Variants in AGRN observed in about 807,000 individuals in gnomAD.
AGRN encodes the protein agrin.
Under a neutral mutation model 211.0 loss-of-function variants are expected in AGRN, and 106 were observed. The ratio of observed to expected loss-of-function variants is 0.50; its 90% confidence interval spans 0.43 to 0.59. The LOEUF (loss-of-function observed/expected upper bound fraction) is 0.59, where lower values mean the gene tolerates loss of function less well. Among genes scored for constraint, AGRN ranks in the 20% least tolerant of loss-of-function variants. The pLI is 0.00. For missense variants in AGRN, 3,040 were observed against 2,982.6 expected (o/e 1.02, Z -0.45); for synonymous variants, 1,525 against 1,332.5 (o/e 1.14, Z -3.15).
At chr1:1,052,688 A>C (rs940303055) in intron 33 of AGRN, 1 of 153,014 alleles carries the variant, frequency 6.5e-6, no homozygotes, top group Admixed American at 6.3e-5. Context: ...TAGTGTGTAC[A>C]CATGGGTCCA....
rs1557689967 is a variant in AGRN at position 1,031,039 on chromosome 1, AGT to A, written c.464-4235_464-4234del. Among the ~76,000 whole-genome samples the A allele has an allele frequency of 2.0e-5, 2 of 97,670 alleles. No homozygotes were observed. The highest frequency in any genetic ancestry group is 3.9e-5 in the Non-Finnish European group (2 of 51,548). The allele number at this position is 97,670 out of a possible 152,430, so 64.1% of individuals were successfully genotyped here. Reference sequence around the variant, plus strand: ...TGTGTGTGCAGTGCATGGTGCTGTGAGTGTATCAGCATGTGTGTGTGTGCAGT... The same window carrying A: ...TGTGTGTGCAGTGCATGGTGCTGTGAGTATCAGCATGTGTGTGTGTGCAGT... On this transcript the variant is annotated intron_variant, in intron 2 of 35. Coordinates refer to ENST00000379370, the MANE Select transcript of AGRN (RefSeq NM_198576.4). The surrounding 1 kb of genome is among the most constrained non-coding windows in gnomAD (Gnocchi z 4.8).
At chr1:1,033,878 G>C (rs1400634772) in intron 2 of AGRN, among the ~76,000 whole-genome samples, 2 of 149,292 alleles carry the variant, frequency 1.3e-5, no homozygotes, top group Non-Finnish European at 3.0e-5. Context: ...TTTGTGCGGC[G>C]CTCTCCCGTC....
intron 14 of AGRN, 29 bp downstream of exon 14, chr1:1,045,552 C>T (rs765318558): frequency 1.3e-5 from 21 of 1,610,544 alleles, no homozygotes; most frequent in South Asian, 5.5e-5. Context: ...GACTGGCCAC[C>T]GGCTATGCCC....
In AGRN at chr1:1,037,899, G is replaced by A. The variant is rs1644838393; in HGVS notation, c.511+2575G>A. Among the ~76,000 whole-genome samples, 4 of 152,280 alleles carry A rather than the reference G, an allele frequency of 2.6e-5. No homozygotes were observed. In the East Asian group the frequency reaches 5.8e-4, roughly 22 times the overall value. On this transcript the variant is annotated intron_variant, in intron 3 of 35. Transcript: ENST00000379370. ...GTACGTGCGTGTGTGCCATCACCAC[G>A]TGCACCTGTCTTCAGGTGATCTCGT...
At chr1:1,050,402 A>T in intron 28 of AGRN, 25 bp from the exon 29 acceptor site, 1 of 1,612,632 alleles carries the variant, frequency 6.2e-7, no homozygotes. Context: ...GACAGCAAAG[A>T]CACCCCGACT....
Position 1,048,925 on chromosome 1 carries a change from C to T in AGRN, c.4164C>T (p.Leu1388=), listed in dbSNP as rs1387848337. The change falls in exon 24 of 36, where the codon CTC becomes CTT. Residue 1388 remains leucine (L), a synonymous_variant. Transcript: ENST00000379370. The surrounding 1 kb of genome is among the most constrained non-coding windows in gnomAD (Gnocchi z 5.9). The part of the protein sequence containing the change: ...EGRSFLAFPT[L]RAYHTLRLAL... ...GCTCCTTCCTGGCCTTCCCCACTCT[C>T]CGCGCCTACCACACGCTGCGCCTGG... 6.4e-7 allele frequency: 1 copy of T among 1,560,412 alleles called. No homozygotes were observed. The highest frequency in any genetic ancestry group is 1.2e-5 in the South Asian group (1 of 84,816).
chr1:1,029,572 G>A (rs1205740365), intron 2 of AGRN, among the ~76,000 whole-genome samples: 2 of 152,164 alleles, frequency 1.3e-5, no homozygotes, highest in East Asian at 3.8e-4. Context: ...GGCAGGCCAG[G>A]AATACCCATT....
chr1:1,043,252 C>A lies in AGRN; in HGVS notation c.1398C>A (p.Ser466=). The A allele has an allele frequency of 6.2e-7, 1 of 1,607,526 alleles. No homozygotes were observed. The highest frequency in any genetic ancestry group is 8.5e-7 in the Non-Finnish European group (1 of 1,178,136). The change falls in exon 8 of 36, where the codon TCC becomes TCA. Residue 466 remains serine, a synonymous_variant. Coordinates refer to ENST00000379370, the MANE Select transcript of AGRN (RefSeq NM_198576.4). ...KHQGPCDQAP[S]PCLGVQCAFG... The stretch of plus-strand genomic sequence containing the variant: ...TGTCCTTCCCAGACCAGGCCCCGTC[C>A]CCATGCCTCGGGGTGCAGTGTGCAT...
Position 1,020,364 on chromosome 1 carries a change from C to G in AGRN, c.192C>G (p.Tyr64Ter). 2.0e-6 allele frequency: 3 copies of G among 1,498,474 alleles called. No individual in the cohort carries two copies. Among genetic ancestry groups the G allele is most frequent in the Non-Finnish European group, 2.7e-6 (3 of 1,122,690 alleles). 92.8% of individuals were successfully genotyped at this position (1,498,474 alleles called of 1,614,324 possible). The part of the protein sequence containing the change: ...ILNVDPVQHT[Y>*]SCKVRVWRYL... ...ACGTGGACCCGGTGCAGCACACGTA[C>G]TCCTGCAAGGTGCGCCCACCCGGAC... Residue 64 changes from tyrosine (Y) to a stop codon, truncating the protein, a stop_gained, in exon 1 of 36, where the codon TAC becomes TAG. Transcript: ENST00000379370. LOFTEE classifies it high-confidence loss of function.
chr1:1,050,967 C>A, intron 30 of AGRN, 130 bp downstream of exon 30: 1 of 1,549,976 alleles, frequency 6.5e-7, no homozygotes. Flanking sequence ...GCCCTGTCCT[C>A]TGCCTCCTCT....
chr1:1,020,993 C>A (rs1308541278), intron 1 of AGRN, among the ~76,000 whole-genome samples: 2 of 152,114 alleles, frequency 1.3e-5, no homozygotes, highest in Non-Finnish European at 2.9e-5. Flanking sequence ...GTTTCTCCTT[C>A]AGGTGCTTCT....
chr1:1,035,706 C>T (rs1644788105), intron 3 of AGRN, among the ~76,000 whole-genome samples: 1 of 152,162 alleles, frequency 6.6e-6, no homozygotes, highest in Admixed American at 6.5e-5. Flanking sequence ...TGGGGCTGGA[C>T]AGAGGCTGGA....
At chr1:1,035,075 G>C in intron 2 of AGRN, 1 of 662,692 alleles carries the variant, frequency 1.5e-6, no homozygotes, top group Non-Finnish European at 2.7e-6. Context: ...TGGCTGGAGG[G>C]GCAGAGAAAA....
rs1238124678 is a variant in AGRN, at chr1:1,046,876, G to A, written c.3307G>A (p.Ala1103Thr). 10 of 1,587,194 alleles carry A rather than the reference G, an allele frequency of 6.3e-6. No individual in the cohort carries two copies. Among genetic ancestry groups the A allele is most frequent in the Non-Finnish European group, 8.6e-6 (10 of 1,168,516 alleles). Residue 1103 changes from alanine (A) to threonine (T), a missense_variant, in exon 19 of 36, where the codon GCT (alanine) becomes ACT (threonine). Coordinates refer to ENST00000379370, the MANE Select transcript of AGRN (RefSeq NM_198576.4). Reference protein sequence around the residue: ...VATPGPPVERASCYNSALGCC... With the variant: ...VATPGPPVERTSCYNSALGCC... ...CACCCCTGGGCCACCTGTCGAGAGG[G>A]CTTCCTGCTACAACTCCGCGTTGGG...
intron 35 of AGRN, 107 bp from the exon 36 acceptor site, chr1:1,054,717 G>A (rs566916524): frequency 1.2e-4 from 180 of 1,500,824 alleles, no homozygotes; most frequent in East Asian, 5.7e-4. Flanking sequence ...CTGTGGGGCC[G>A]GGAGGCGGGT....
chr1:1,049,240 GAC>G lies in AGRN; in HGVS notation c.4307_4308del (p.Thr1436ArgfsTer37). On this transcript the variant is annotated frameshift_variant, in exon 25 of 36. Transcript: ENST00000379370. LOFTEE classifies it high-confidence loss of function. ...LLDGRVQLRF[D>X]TGSGPAVLTS... ...AGCACCTGCTCCTGCCCTCAGGTTT[GAC>G]ACAGGTTCGGGGCCGGCGGTGCTGA... 1 of 1,582,458 alleles carries G rather than the reference GAC, an allele frequency of 6.3e-7. No homozygotes were observed. Among genetic ancestry groups the G allele is most frequent in the Non-Finnish European group, 8.5e-7 (1 of 1,170,352 alleles).
In AGRN at chr1:1,045,889, C is replaced by G; in HGVS notation, c.2680+13C>G. 6.2e-7 allele frequency: 1 copy of G among 1,610,348 alleles called. No individual in the cohort carries two copies. Among genetic ancestry groups the G allele is most frequent in the Non-Finnish European group, 8.5e-7 (1 of 1,179,872 alleles). On this transcript the variant is annotated intron_variant, in intron 15 of 35. Transcript: ENST00000379370. Reference sequence around the variant, plus strand: ...GGCTGTGAAGCTGGTGAGTGAGGGCCAGCGCTACCCTGGGGCTTCATGGGG... The same window carrying G: ...GGCTGTGAAGCTGGTGAGTGAGGGCGAGCGCTACCCTGGGGCTTCATGGGG...
intron 30 of AGRN, 165 bp from the exon 31 acceptor site, chr1:1,051,088 C>T (rs538922431): frequency 3.9e-5 from 61 of 1,548,022 alleles, no homozygotes; most frequent in Admixed American, 1.2e-4. Context: ...GCGCCTCAAC[C>T]CCTAGGGTAG....
Position 1,051,354 on chromosome 1 carries a change from C to A in AGRN, c.5355C>A (p.Asp1785Glu), listed in dbSNP as rs372556198. Residue 1785 changes from aspartate (D) to glutamate (E), a missense_variant, in exon 31 of 36, where the codon GAC becomes GAA. Physicochemically the swap from Asp to Glu is conservative, Grantham distance 45. Around this residue, in one of 3 missense-constraint regions of AGRN, gnomAD observed 1,537 missense variants for 1,505.0 expected, o/e 1.02. Coordinates refer to ENST00000379370, the MANE Select transcript of AGRN (RefSeq NM_198576.4). ...CTGCTGCCGTGTCCTCTGGCTTCGA[C>A]GGTGCCATCCAGCTGGTATGTGGGG... ...ARAAAVSSGF[D>E]GAIQLVSLGG... The A allele has an allele frequency of 2.2e-5, 34 of 1,514,490 alleles. No homozygotes were observed. The highest frequency in any genetic ancestry group is 2.7e-5 in the Non-Finnish European group (30 of 1,125,916). The allele number at this position is 1,514,490 out of a possible 1,614,324, so 93.8% of individuals were successfully genotyped here.
Sources: allele counts gnomAD v4.1 joint callset (sites outside exome capture counted in the v4.1 genomes callset), GRCh38; gene constraint gnomAD v4.1.1; regional missense constraint gnomAD v4.1.1; non-coding constraint Gnocchi (gnomAD v3.1); transcripts MANE v1.5; gene names NCBI Gene and HGNC (gene_info 2026-07-23, HGNC 2026-07-21).